The following TDRD1 variants were observed in gnomAD, a reference collection of about 807,000 sequenced individuals.
The protein encoded by TDRD1 is tudor domain-containing protein 1.
TDRD1 carries 37 observed loss-of-function variants against 140.6 expected under a neutral mutation model. The observed-to-expected ratio is 0.26, with a 90% CI of 0.20 to 0.35. The LOEUF is 0.35. Among genes scored for constraint, TDRD1 ranks in the 10% least tolerant of loss-of-function variants. The pLI is 1.00. For synonymous variants in TDRD1, 506 were observed against 475.7 expected, an observed-to-expected ratio of 1.06 and a Z score of -0.83; for missense variants, 1,243 against 1,393.0, an observed-to-expected ratio of 0.89 and a Z score of 1.71.
rs1330700421 is a variant in TDRD1 at position 114,221,487 on chromosome 10, A to T, written c.2890+11A>T. The T allele has an allele frequency of 6.2e-7, 1 of 1,609,722 alleles. No homozygotes were observed. Among genetic ancestry groups the T allele is most frequent in the African/African-American group, 1.3e-5 (1 of 74,674 alleles). ...CAAAAGGGATGCCAGGTAAGAAACC[A>T]AAATTTGAGACATATTTATGCTCAT... On this transcript the variant is annotated intron_variant, in intron 20 of 25. Coordinates refer to ENST00000251864, the Ensembl canonical transcript of TDRD1.
At chr10:114,204,757 A>G (rs749634215) in exon 10 of TDRD1, 9 of 1,598,770 alleles carry the variant, frequency 5.6e-6, no homozygotes, top group Non-Finnish European at 6.0e-6. Context: ...TTATCCCAGC[A>G]GAAGGGAATT....
intron 1 of TDRD1, among the ~76,000 whole-genome samples, chr10:114,182,188 CAG>C (rs1002543796): frequency 2.0e-5 from 3 of 152,104 alleles, no homozygotes; most frequent in African/African-American, 7.2e-5. Context: ...ATAAGAGTCT[CAG>C]ATATTTTTGA....
chr10:114,231,722 A>G (rs994883447), exon 26 of TDRD1: 7 of 513,356 alleles, frequency 1.4e-5, no homozygotes, highest in African/African-American at 4.0e-5. Context: ...AAAAATTCAT[A>G]CCAAATCAAT....
At chr10:114,212,738 G>A (rs1017249822) in intron 14 of TDRD1, among the ~76,000 whole-genome samples, 5 of 152,176 alleles carry the variant, frequency 3.3e-5, no homozygotes, top group African/African-American at 1.2e-4. Flanking sequence ...TACTTCTTCA[G>A]AGATTGTTTT....
At chr10:114,227,821 G>C in intron 23 of TDRD1, 89 bp from the exon 24 acceptor site, 2 of 1,010,488 alleles carry the variant, frequency 2.0e-6, no homozygotes, top group Non-Finnish European at 1.5e-6. Flanking sequence ...ATGCGCAAGG[G>C]GGAGAGCTAT....
chr10:114,189,019 G>A (rs908222953), intron 2 of TDRD1, among the ~76,000 whole-genome samples: 1 of 152,178 alleles, frequency 6.6e-6, no homozygotes, highest in African/African-American at 2.4e-5. Context: ...TCCCCAGGAG[G>A]TCAAAACTGT....
intron 16 of TDRD1, among the ~76,000 whole-genome samples, chr10:114,217,272 A>G (rs928239294): frequency 6.6e-6 from 1 of 152,160 alleles, no homozygotes; most frequent in Non-Finnish European, 1.5e-5. Context: ...ATCTCCCTGC[A>G]AAGTTCATGC....
At chr10:114,215,434 A>G (rs2035759083) in intron 16 of TDRD1, among the ~76,000 whole-genome samples, 1 of 152,104 alleles carries the variant, frequency 6.6e-6, no homozygotes, top group Non-Finnish European at 1.5e-5. Flanking sequence ...TAGGTCATAA[A>G]GGGTATGTAA....
exon 12 of TDRD1, chr10:114,210,656 T>G: frequency 6.2e-7 from 1 of 1,612,834 alleles, no homozygotes; most frequent in Non-Finnish European, 8.5e-7. Flanking sequence ...ATCCCAAAAG[T>G]GTTAACTTTG....
intron 11 of TDRD1, among the ~76,000 whole-genome samples, chr10:114,208,268 G>A (rs1483481495): frequency 2.0e-5 from 3 of 152,186 alleles, no homozygotes; most frequent in Non-Finnish European, 4.4e-5. Flanking sequence ...AGCCAACATA[G>A]AGAATGGAGC....
chr10:114,184,452 A>C (rs1190114817), intron 1 of TDRD1, among the ~76,000 whole-genome samples: 2 of 152,190 alleles, frequency 1.3e-5, no homozygotes, highest in Non-Finnish European at 2.9e-5. Context: ...AAAATGGGTG[A>C]TAAGTCTCCA....
intron 4 of TDRD1, among the ~76,000 whole-genome samples, chr10:114,200,376 T>C (rs1211486845): frequency 9.0e-6 from 1 of 111,386 alleles, no homozygotes; most frequent in African/African-American, 3.6e-5. Context: ...TGTGGGTTTG[T>C]TGTTGTTGTT....
At chr10:114,203,283 A>G in intron 7 of TDRD1, 105 bp from the exon 8 acceptor site, 1 of 1,497,060 alleles carries the variant, frequency 6.7e-7, no homozygotes, top group Non-Finnish European at 9.1e-7. Context: ...AAACATTGCA[A>G]AAACTGCCTA....
intron 3 of TDRD1, among the ~76,000 whole-genome samples, chr10:114,197,285 C>A (rs75474352): frequency 6.6e-6 from 1 of 152,100 alleles, no homozygotes; most frequent in African/African-American, 2.4e-5. Context: ...TTGTTCAGAT[C>A]AGGCGTTTCT....
At chr10:114,187,449 A>G (rs2033625265) in intron 1 of TDRD1, among the ~76,000 whole-genome samples, 2 of 152,194 alleles carry the variant, frequency 1.3e-5, no homozygotes, top group South Asian at 4.1e-4. Flanking sequence ...TGACGACCTG[A>G]TTTAAACACA....
chr10:114,193,289 CTTTTTT>C (rs1170053036), intron 3 of TDRD1, among the ~76,000 whole-genome samples: 13 of 83,704 alleles, frequency 1.6e-4, no homozygotes, highest in African/African-American at 5.6e-4. Flanking sequence ...TTGCTGAAGT[CTTTTTT>C]TTTTTTTTTT....
At chr10:114,208,375 A>G (rs1157973838) in intron 11 of TDRD1, among the ~76,000 whole-genome samples, 6 of 152,220 alleles carry the variant, frequency 3.9e-5, no homozygotes, top group African/African-American at 1.4e-4. Context: ...GATATGGTAT[A>G]TTAAGAGTTC....
intron 8 of TDRD1, 55 bp downstream of exon 8, chr10:114,203,622 G>T: frequency 1.4e-6 from 2 of 1,475,372 alleles, no homozygotes; most frequent in South Asian, 2.6e-5. Context: ...TTGGTCGTAT[G>T]AACTGAACAC....
At chr10:114,227,112 A>T (rs2036481789) in exon 23 of TDRD1, 1 of 1,588,764 alleles carries the variant, frequency 6.3e-7, no homozygotes, top group African/African-American at 1.3e-5. Flanking sequence ...AATTAATAAT[A>T]ATGCTATTAA....
Sources: gnomAD v4.1 joint callset for allele counts (sites outside exome capture counted in the v4.1 genomes callset) on GRCh38, gnomAD v4.1.1 for gene constraint, MANE v1.5 for transcripts, NCBI Gene and HGNC (gene_info 2026-07-23, HGNC 2026-07-21) for gene names.